Variants in KIF13B observed in about 807,000 individuals in gnomAD.
KIF13B encodes the protein kinesin-like protein KIF13B.
KIF13B carries 127 observed loss-of-function variants against 222.0 expected under a neutral mutation model. That is an observed-to-expected ratio of 0.57 (90% CI 0.50 to 0.66). The LOEUF (loss-of-function observed/expected upper bound fraction) is 0.66. Ranked by LOEUF, KIF13B falls within the 30% of genes least tolerant of loss-of-function variation. The pLI is 0.00. For synonymous variants in KIF13B, 976 were observed against 919.0 expected (o/e 1.06, Z -1.12); for missense variants, 2,173 against 2,379.0 (o/e 0.91, Z 1.80).
At chr8:29,180,812 CTT>C (rs572455928) in intron 7 of KIF13B, among the ~76,000 whole-genome samples, 1 of 142,832 alleles carries the variant, frequency 7.0e-6, no homozygotes, top group African/African-American at 2.6e-5. Flanking sequence ...AAGGGATTTT[CTT>C]TTTTTTTTTT....
At chr8:29,127,726 T>C (rs1424414221) in intron 24 of KIF13B, among the ~76,000 whole-genome samples, 1 of 152,242 alleles carries the variant, frequency 6.6e-6, no homozygotes. Flanking sequence ...GCAAGTTTTC[T>C]GCAAGGCAAT....
At position 29,088,278 on chromosome 8, in the gene KIF13B, T is replaced by C. The variant is rs62502818; in HGVS notation, c.4458+4467A>G. ...GAGACTCCATCTTAAAAAAAAAAAT[T>C]ATATATTTTAAAGGCTGTAATACTC... is the stretch of plus-strand genomic sequence containing the variant. On this transcript the variant is annotated intron_variant, in intron 37 of 39. Transcript: ENST00000524189. Among the ~76,000 whole-genome samples the C allele has an allele frequency of 1.6e-4, 24 of 152,078 alleles. No individual in the cohort carries two copies. In the East Asian group the frequency reaches 4.4e-3, roughly 28 times the overall value.
At chr8:29,215,330 T>C (rs896488005) in intron 2 of KIF13B, among the ~76,000 whole-genome samples, 3 of 152,108 alleles carry the variant, frequency 2.0e-5, no homozygotes, top group Non-Finnish European at 4.4e-5. Context: ...AGGAACTGTC[T>C]TAGAGAAGAA....
At chr8:29,126,282 C>T (rs924556613) in intron 26 of KIF13B, among the ~76,000 whole-genome samples, 200 bp downstream of exon 26, 1 of 152,066 alleles carries the variant, frequency 6.6e-6, no homozygotes, top group Non-Finnish European at 1.5e-5. Context: ...ATCTCAGTCA[C>T]GAATGATTTC....
chr8:29,253,367 T>C (rs1480839838), intron 1 of KIF13B, among the ~76,000 whole-genome samples: 1 of 151,356 alleles, frequency 6.6e-6, no homozygotes, highest in Non-Finnish European at 1.5e-5. Context: ...AATAATCCTA[T>C]GTGACCAAAA....
chr8:29,170,216 A>G (rs1812179386), intron 10 of KIF13B, among the ~76,000 whole-genome samples: 1 of 152,270 alleles, frequency 6.6e-6, no homozygotes. Context: ...AAATAGTCAT[A>G]GGAAAGAATT....
chr8:29,143,698 T>C (rs1473544368), intron 18 of KIF13B, among the ~76,000 whole-genome samples: 1 of 151,970 alleles, frequency 6.6e-6, no homozygotes, highest in Middle Eastern at 3.4e-3. Context: ...ATACAAAAAT[T>C]AGCCAGGCAT....
In KIF13B at chr8:29,155,779, A is replaced by G; in HGVS notation, c.1482T>C (p.Ile494=). ...CCTGGCCTTCTGACGTGATGTCTAT[A>G]ATACAGTGTTCAGGAAGAATTCCCA... ...CGMGILPEHC[I]IDITSEGQVM... Residue 494 remains isoleucine, a synonymous_variant, in exon 14 of 40, where the codon ATT becomes ATC. Transcript: ENST00000524189. 1 of 1,601,546 alleles carries G rather than the reference A, an allele frequency of 6.2e-7. No individual in the cohort carries two copies. The highest frequency in any genetic ancestry group is 8.5e-7 in the Non-Finnish European group (1 of 1,173,090).
At chr8:29,151,209 ACT>A (rs1402518521) in intron 14 of KIF13B, among the ~76,000 whole-genome samples, 10 of 152,184 alleles carry the variant, frequency 6.6e-5, no homozygotes, top group Non-Finnish European at 1.5e-4. Context: ...CAAGGTCCTA[ACT>A]CTCTTTAATT....
At chr8:29,152,457 C>T (rs10090426) in intron 14 of KIF13B, among the ~76,000 whole-genome samples, 77,430 of 151,948 alleles carry the variant, frequency 0.51, 21,036 homozygotes, top group African/African-American at 0.7. Context: ...ACTGTTGTCA[C>T]ATTTTAAGAA....
In KIF13B at chr8:29,140,152, C is replaced by T. The variant is rs778170049; in HGVS notation, c.2524G>A (p.Gly842Ser). ...RLHVEVMRLSGDVGERIAGGD... is the reference protein window; with the variant it reads ...RLHVEVMRLSSDVGERIAGGD... Reference sequence around the variant, plus strand: ...CCTGCGATCCTCTCCCCAACATCACCACTGAGTCGCATCACCTCCACGTGC... The same window carrying T: ...CCTGCGATCCTCTCCCCAACATCACTACTGAGTCGCATCACCTCCACGTGC... Residue 842 changes from glycine to serine, a missense_variant, in exon 21 of 40, where the codon GGT (glycine) becomes AGT (serine). Transcript: ENST00000524189. 6.2e-7 allele frequency: 1 copy of T among 1,613,786 alleles called. No homozygotes were observed. Among genetic ancestry groups the T allele is most frequent in the South Asian group, 1.1e-5 (1 of 91,046 alleles).
In KIF13B at chr8:29,228,476, T is replaced by A. The variant is rs867905945; in HGVS notation, c.149+16870A>T. ...AGCCAGACTCCATCTTAAAAAAATA[T>A]ATATATATATATATGAGATACAGGT... On this transcript the variant is annotated intron_variant, in intron 2 of 39. Coordinates refer to ENST00000524189, the MANE Select transcript of KIF13B (RefSeq NM_015254.4). 4.3e-4 allele frequency among the ~76,000 whole-genome samples: 38 copies of A among 87,982 alleles called. 3 individuals are homozygous for A. The highest frequency in any genetic ancestry group is 1.4e-3 in the East Asian group (6 of 4,248). 57.7% of individuals were successfully genotyped at this position (87,982 alleles called of 152,430 possible). A position where few individuals can be genotyped will look rare whatever the true frequency, so the allele number is the denominator to read the frequency against.
intron 35 of KIF13B, among the ~76,000 whole-genome samples, chr8:29,106,868 C>T (rs911612648): frequency 6.6e-6 from 1 of 152,114 alleles, no homozygotes; most frequent in Admixed American, 6.5e-5. Flanking sequence ...CACATCAGAC[C>T]ATCTCATAAG....
At chr8:29,209,342 A>T (rs776465044) in intron 2 of KIF13B, among the ~76,000 whole-genome samples, 1 of 152,096 alleles carries the variant, frequency 6.6e-6, no homozygotes, top group Admixed American at 6.5e-5. Flanking sequence ...GGACTCAGCC[A>T]TATCTCATTT....
chr8:29,167,326 G>A, intron 11 of KIF13B, 47 bp downstream of exon 11: 1 of 1,485,308 alleles, frequency 6.7e-7, no homozygotes, highest in South Asian at 1.2e-5. Context: ...GCTCTAGGCT[G>A]ATTCCTCTTC....
Position 29,186,484 on chromosome 8 carries a change from G to T in KIF13B, c.317-12C>A, listed in dbSNP as rs944730129. 2 of 1,595,194 alleles carry T rather than the reference G, an allele frequency of 1.3e-6. No individual in the cohort carries two copies. Among genetic ancestry groups the T allele is most frequent in the Non-Finnish European group, 1.7e-6 (2 of 1,173,498 alleles). On this transcript the variant is annotated splice_polypyrimidine_tract_variant and intron_variant, in intron 5 of 39. Coordinates refer to ENST00000524189, the MANE Select transcript of KIF13B (RefSeq NM_015254.4). ...AGATTTTCCAGAGCCTAAAAAAATG[G>T]AAATCAGAGTTACTATTGTCTCTTT...
Position 29,234,383 on chromosome 8 carries a change from G to A in KIF13B, c.149+10963C>T, listed in dbSNP as rs117845037. On this transcript the variant is annotated intron_variant, in intron 2 of 39. Transcript: ENST00000524189. The stretch of plus-strand genomic sequence containing the variant: ...ATGTGCTATAACATGGATGAACCTC[G>A]AGGACATGCTAAGTGAAATAAGCCA... 9.3e-3 allele frequency among the ~76,000 whole-genome samples: 1,409 copies of A among 151,850 alleles called. 19 individuals are homozygous for A. The highest frequency in any genetic ancestry group is 0.022 in the South Asian group (107 of 4,818).
intron 13 of KIF13B, 81 bp downstream of exon 13, chr8:29,160,651 TG>T: frequency 7.6e-7 from 1 of 1,321,806 alleles, no homozygotes; most frequent in Non-Finnish European, 1.0e-6. Context: ...TGAGTAAGCA[TG>T]GTTCCCCAAG....
intron 7 of KIF13B, among the ~76,000 whole-genome samples, chr8:29,180,443 A>G (rs1430354338): frequency 6.6e-6 from 1 of 152,246 alleles, no homozygotes; most frequent in Admixed American, 6.5e-5. Flanking sequence ...ATCATTTGCT[A>G]CAGGTACAGA....
Sources: allele counts gnomAD v4.1 joint callset (sites outside exome capture counted in the v4.1 genomes callset), GRCh38; gene constraint gnomAD v4.1.1; transcripts MANE v1.5; gene names NCBI Gene and HGNC (gene_info 2026-07-23, HGNC 2026-07-21).